PDSS2: variants seen among roughly 807,000 people sequenced by gnomAD.
The protein encoded by PDSS2 is all trans-polyprenyl-diphosphate synthase PDSS2.
A neutral mutation model predicts 44.5 loss-of-function variants in PDSS2; 31 were observed. The ratio of observed to expected loss-of-function variants is 0.70; its 90% confidence interval spans 0.52 to 0.94. The LOEUF (loss-of-function observed/expected upper bound fraction) is 0.94. Ranked by LOEUF, PDSS2 falls within the 40% of genes least tolerant of loss-of-function variation. The pLI, the probability that PDSS2 is intolerant of heterozygous loss-of-function variation, is 0.00. For missense variants in PDSS2, 452 were observed against 482.2 expected, an observed-to-expected ratio of 0.94 and a Z score of 0.59; for synonymous variants, 157 against 180.3, an observed-to-expected ratio of 0.87 and a Z score of 1.03.
intron 7 of PDSS2, among the ~76,000 whole-genome samples, chr6:107,158,534 C>T (rs1770997449): frequency 6.6e-6 from 1 of 152,066 alleles, no homozygotes; most frequent in African/African-American, 2.4e-5. Context: ...ATACTAAACT[C>T]CATCAGATTC....
rs139313587 is a variant in PDSS2 at position 107,331,738 on chromosome 6, T to G, written c.431+2460A>C. Among the ~76,000 whole-genome samples the G allele has an allele frequency of 4.0e-4, 61 of 152,296 alleles. 2 individuals carry two copies. The highest frequency in any genetic ancestry group is 1.7e-3 in the East Asian group (9 of 5,186). ...GTCAACCTGAGTATTAGCAATCTCT[T>G]CTGTAAAATAGGAATAACTTACTTA... is the stretch of plus-strand genomic sequence containing the variant. On this transcript the variant is annotated intron_variant, in intron 2 of 7. Coordinates refer to ENST00000369037, the MANE Select transcript of PDSS2 (RefSeq NM_020381.4).
At chr6:107,386,360 CAT>C (rs1779610206) in intron 1 of PDSS2, among the ~76,000 whole-genome samples, 1 of 144,918 alleles carries the variant, frequency 6.9e-6, no homozygotes, top group African/African-American at 2.6e-5. Flanking sequence ...AATAGTTTTA[CAT>C]TGTATATGTC....
chr6:107,287,198 GC>G (rs1008883344), intron 2 of PDSS2, among the ~76,000 whole-genome samples: 3 of 152,162 alleles, frequency 2.0e-5, no homozygotes, highest in African/African-American at 7.2e-5. Flanking sequence ...GCCAAATAAA[GC>G]CCACAGACAT....
At chr6:107,457,718 C>T (rs918960075) in intron 1 of PDSS2, among the ~76,000 whole-genome samples, 5 of 152,144 alleles carry the variant, frequency 3.3e-5, no homozygotes, top group Non-Finnish European at 7.4e-5. Flanking sequence ...GATATAACAA[C>T]TAAACGCAAT....
intron 2 of PDSS2, among the ~76,000 whole-genome samples, chr6:107,321,832 A>G (rs1208362560): frequency 6.6e-6 from 1 of 152,192 alleles, no homozygotes; most frequent in Non-Finnish European, 1.5e-5. Flanking sequence ...GAACATAACC[A>G]ATCAGAACTG....
intron 1 of PDSS2, among the ~76,000 whole-genome samples, chr6:107,395,821 T>A (rs960258268): frequency 6.6e-6 from 1 of 152,244 alleles, no homozygotes; most frequent in Admixed American, 6.5e-5. Flanking sequence ...TTTTACTGTA[T>A]GCCAAGTAGT....
chr6:107,179,482 T>A (rs913985998), intron 7 of PDSS2, among the ~76,000 whole-genome samples: 1 of 150,494 alleles, frequency 6.6e-6, no homozygotes, highest in Non-Finnish European at 1.5e-5. Flanking sequence ...GGTTTCACCA[T>A]GTTGGTCAGG....
At chr6:107,443,881 G>A (rs1297699482) in intron 1 of PDSS2, among the ~76,000 whole-genome samples, 2 of 151,938 alleles carry the variant, frequency 1.3e-5, no homozygotes, top group Admixed American at 1.3e-4. Context: ...TTATCTCAAG[G>A]TACTGTGTAT....
chr6:107,289,171 G>C (rs1316978197), intron 2 of PDSS2, among the ~76,000 whole-genome samples: 1 of 150,786 alleles, frequency 6.6e-6, no homozygotes, highest in Non-Finnish European at 1.5e-5. Context: ...TCAGCAGTTC[G>C]AGACCAGTCT....
chr6:107,207,978 G>GTTTT (rs756043067), intron 6 of PDSS2, among the ~76,000 whole-genome samples: 1,437 of 67,414 alleles, frequency 0.021, 27 homozygotes, highest in African/African-American at 0.043. Context: ...TCTATGACTT[G>GTTTT]TTTTTTTTTT....
intron 2 of PDSS2, among the ~76,000 whole-genome samples, chr6:107,275,251 C>T (rs936846614): frequency 3.3e-5 from 5 of 152,088 alleles, no homozygotes; most frequent in African/African-American, 1.2e-4. Context: ...CAGAAAAAAT[C>T]AACAGGTAAT....
chr6:107,431,883 G>A (rs1329009403), intron 1 of PDSS2, among the ~76,000 whole-genome samples: 1 of 152,172 alleles, frequency 6.6e-6, no homozygotes, highest in Non-Finnish European at 1.5e-5. Context: ...AGATAACAAG[G>A]CTTAAGGAAT....
intron 1 of PDSS2, among the ~76,000 whole-genome samples, chr6:107,452,339 T>A (rs1011116473): frequency 6.6e-6 from 1 of 151,848 alleles, no homozygotes; most frequent in Non-Finnish European, 1.5e-5. Context: ...TTCAAGTGAT[T>A]CTCCTGCCTA....
intron 6 of PDSS2, among the ~76,000 whole-genome samples, chr6:107,199,138 C>T (rs922271597): frequency 3.9e-5 from 6 of 152,324 alleles, no homozygotes; most frequent in Middle Eastern, 3.4e-3. Flanking sequence ...TTCTATTACA[C>T]CTCTTGGTTG....
chr6:107,347,151 CATGGGCCCAGCTTGCAGCAT>C (rs1316526836), intron 1 of PDSS2, among the ~76,000 whole-genome samples: 1 of 152,092 alleles, frequency 6.6e-6, no homozygotes, highest in Non-Finnish European at 1.5e-5. Flanking sequence ...TGAGGACCTG[CATGGGCCCAGCTTGCAGCAT>C]ATGGCCCTGT....
At chr6:107,372,832 A>T (rs891786955) in intron 1 of PDSS2, among the ~76,000 whole-genome samples, 1 of 152,186 alleles carries the variant, frequency 6.6e-6, no homozygotes, top group Non-Finnish European at 1.5e-5. Context: ...TTCTAATCAA[A>T]TAAGTAAATT....
At chr6:107,348,763 A>G (rs1358272969) in intron 1 of PDSS2, among the ~76,000 whole-genome samples, 1 of 152,232 alleles carries the variant, frequency 6.6e-6, no homozygotes, top group East Asian at 1.9e-4. Flanking sequence ...CCAGCGACTC[A>G]ATGTTGGCCA....
chr6:107,411,454 T>C (rs1257595744), intron 1 of PDSS2, among the ~76,000 whole-genome samples: 1 of 152,232 alleles, frequency 6.6e-6, no homozygotes. Context: ...TAGTTTTAAT[T>C]TGCATTTCTT....
At chr6:107,221,972 A>T (rs931262340) in intron 4 of PDSS2, among the ~76,000 whole-genome samples, 14 of 152,334 alleles carry the variant, frequency 9.2e-5, no homozygotes, top group South Asian at 4.1e-4. Context: ...AGTACTTTTT[A>T]AAAAAGTATG....
Sources: gnomAD v4.1 joint callset for allele counts (sites outside exome capture counted in the v4.1 genomes callset) on GRCh38, gnomAD v4.1.1 for gene constraint, MANE v1.5 for transcripts, NCBI Gene and HGNC (gene_info 2026-07-23, HGNC 2026-07-21) for gene names.